Variants in FNDC3B observed in about 807,000 individuals in gnomAD.
FNDC3B encodes the protein fibronectin type III domain-containing protein 3B.
A neutral mutation model predicts 151.5 loss-of-function variants in FNDC3B; 12 were observed. The ratio of observed to expected loss-of-function variants is 0.08; its 90% confidence interval spans 0.05 to 0.13. The LOEUF (loss-of-function observed/expected upper bound fraction) is 0.13. Among genes scored for constraint, FNDC3B ranks in the 10% least tolerant of loss-of-function variants. The pLI is 1.00. For missense variants in FNDC3B, 1,214 were observed against 1,505.3 expected, an observed-to-expected ratio of 0.81 and a Z score of 3.20; for synonymous variants, 528 against 549.0, an observed-to-expected ratio of 0.96 and a Z score of 0.54.
chr3:172,138,464 A>G (rs766456359), intron 3 of FNDC3B, among the ~76,000 whole-genome samples: 1 of 152,326 alleles, frequency 6.6e-6, no homozygotes, highest in South Asian at 2.1e-4. Flanking sequence ...CAATAGAAGA[A>G]CTTTGAAATA....
chr3:172,201,536 A>G lies in FNDC3B; in HGVS notation c.188-25335A>G, dbSNP rs1725154027. Among the ~76,000 whole-genome samples the G allele has an allele frequency of 2.0e-5, 3 of 152,134 alleles. No homozygotes were observed. The South Asian group carries it at 6.2e-4, about 31-fold the overall frequency. On this transcript the variant is annotated intron_variant, in intron 3 of 25. Coordinates refer to ENST00000415807, the MANE Select transcript of FNDC3B (RefSeq NM_022763.4). The stretch of plus-strand genomic sequence containing the variant: ...AAGTGGTAGCAGTACTGTAAGCTCT[A>G]GAGGATTTCCCTATCATGGGCCTTT...
At chr3:172,207,515 T>C (rs1725492592) in intron 3 of FNDC3B, among the ~76,000 whole-genome samples, 1 of 152,326 alleles carries the variant, frequency 6.6e-6, no homozygotes, top group Non-Finnish European at 1.5e-5. Context: ...TATTAAAACA[T>C]GAATAATTTG....
intron 3 of FNDC3B, among the ~76,000 whole-genome samples, chr3:172,219,273 G>T (rs1210052597): frequency 6.6e-6 from 1 of 152,174 alleles, no homozygotes; most frequent in Non-Finnish European, 1.5e-5. Context: ...GTTGCTTGTG[G>T]ATAGACAATG....
intron 23 of FNDC3B, among the ~76,000 whole-genome samples, chr3:172,372,395 C>A (rs967211283): frequency 6.6e-6 from 1 of 152,130 alleles, no homozygotes; most frequent in Non-Finnish European, 1.5e-5. Flanking sequence ...GCTACATATG[C>A]CTCAGCCTGA....
chr3:172,298,334 A>G (rs529589358), intron 8 of FNDC3B, among the ~76,000 whole-genome samples: 1 of 152,308 alleles, frequency 6.6e-6, no homozygotes, highest in South Asian at 2.1e-4. Flanking sequence ...TCCAGAGTTG[A>G]GATAATTGAG....
chr3:172,364,461 C>T (rs943460234), intron 23 of FNDC3B, among the ~76,000 whole-genome samples: 11 of 152,192 alleles, frequency 7.2e-5, no homozygotes, highest in Non-Finnish European at 1.6e-4. Flanking sequence ...CCAGTGCCTC[C>T]CAATTCCCCG....
chr3:172,283,987 G>A (rs1053667833), intron 6 of FNDC3B, among the ~76,000 whole-genome samples: 2 of 152,024 alleles, frequency 1.3e-5, no homozygotes, highest in African/African-American at 4.8e-5. Flanking sequence ...CAGACTAAAG[G>A]TAGCACGTCC....
At chr3:172,088,235 A>G (rs2108507210) in intron 1 of FNDC3B, among the ~76,000 whole-genome samples, 1 of 152,346 alleles carries the variant, frequency 6.6e-6, no homozygotes, top group Non-Finnish European at 1.5e-5. Context: ...TTGAATCCTA[A>G]ATTAGCAAAA....
At chr3:172,289,394 C>A (rs116546975) in intron 7 of FNDC3B, among the ~76,000 whole-genome samples, 1 of 144,296 alleles carries the variant, frequency 6.9e-6, no homozygotes, top group African/African-American at 2.8e-5. Context: ...CTTGGTCACA[C>A]CTTCAAAGTC....
At chr3:172,227,976 A>G (rs1314470676) in intron 4 of FNDC3B, among the ~76,000 whole-genome samples, 1 of 152,176 alleles carries the variant, frequency 6.6e-6, no homozygotes, top group African/African-American at 2.4e-5. Flanking sequence ...TCCTTCTCTG[A>G]TATAAAAACT....
chr3:172,069,333 T>C (rs1367981311), intron 1 of FNDC3B, among the ~76,000 whole-genome samples: 1 of 152,240 alleles, frequency 6.6e-6, no homozygotes, highest in Non-Finnish European at 1.5e-5. Context: ...TCTTAGGTAT[T>C]CATTCATTTT....
intron 1 of FNDC3B, among the ~76,000 whole-genome samples, chr3:172,057,343 C>T (rs1402100812): frequency 2.6e-5 from 4 of 152,184 alleles, no homozygotes; most frequent in Non-Finnish European, 4.4e-5. Context: ...AGGTTAAGTA[C>T]ATGAAGTATT....
At chr3:172,052,133 G>A (rs1716685089) in intron 1 of FNDC3B, among the ~76,000 whole-genome samples, 1 of 150,824 alleles carries the variant, frequency 6.6e-6, no homozygotes, top group Admixed American at 6.6e-5. Flanking sequence ...TGCCCAGGCT[G>A]GGGTGCAGTG....
intron 3 of FNDC3B, among the ~76,000 whole-genome samples, chr3:172,177,458 A>G (rs1305558029): frequency 6.6e-6 from 1 of 152,150 alleles, no homozygotes; most frequent in Admixed American, 6.5e-5. Flanking sequence ...TGGTAGCTCA[A>G]TCAGAGTGGG....
intron 2 of FNDC3B, among the ~76,000 whole-genome samples, chr3:172,130,398 A>C (rs1431978435): frequency 6.6e-6 from 1 of 152,196 alleles, no homozygotes; most frequent in African/African-American, 2.4e-5. Flanking sequence ...GCTACTCAGC[A>C]GCAGTGAAAA....
At chr3:172,082,844 A>G (rs1395145067) in intron 1 of FNDC3B, among the ~76,000 whole-genome samples, 1 of 152,244 alleles carries the variant, frequency 6.6e-6, no homozygotes, top group Non-Finnish European at 1.5e-5. Context: ...CCAGTTTCAC[A>G]TCCAGATGTA....
At chr3:172,198,241 G>C (rs1724950712) in intron 3 of FNDC3B, among the ~76,000 whole-genome samples, 1 of 151,730 alleles carries the variant, frequency 6.6e-6, no homozygotes, top group Non-Finnish European at 1.5e-5. Flanking sequence ...TTTTTTAATA[G>C]AGAATCGTAT....
intron 3 of FNDC3B, among the ~76,000 whole-genome samples, chr3:172,151,773 A>C (rs971290631): frequency 6.6e-6 from 1 of 152,228 alleles, no homozygotes; most frequent in Admixed American, 6.5e-5. Context: ...AGTGAAACAT[A>C]TAACAGGTCC....
intron 11 of FNDC3B, among the ~76,000 whole-genome samples, chr3:172,326,790 A>T (rs557711901): frequency 2.9e-4 from 44 of 151,662 alleles, no homozygotes; most frequent in Non-Finnish European, 5.3e-4. Context: ...AAAGCAAATT[A>T]ACCTAGTAAG....
Sources: gnomAD v4.1 joint callset for allele counts (sites outside exome capture counted in the v4.1 genomes callset) on GRCh38, gnomAD v4.1.1 for gene constraint, MANE v1.5 for transcripts, NCBI Gene and HGNC (gene_info 2026-07-23, HGNC 2026-07-21) for gene names.